Variants in CSMD3 observed in about 807,000 individuals in gnomAD.
CSMD3 encodes CUB and Sushi multiple domains 3, also known as CUB and sushi domain-containing protein 3.
A neutral mutation model predicts 435.2 loss-of-function variants in CSMD3; 177 were observed. The observed-to-expected ratio is 0.41, with a 90% CI of 0.36 to 0.46. CSMD3 has a LOEUF of 0.46. CSMD3 is among the 20% of genes least tolerant of loss of function. The pLI, the probability that CSMD3 is intolerant of heterozygous loss-of-function variation, is 0.34. For synonymous variants in CSMD3, 1,656 were observed against 1,520.5 expected, an observed-to-expected ratio of 1.09 and a Z score of -2.07; for missense variants, 4,265 against 4,504.6, an observed-to-expected ratio of 0.95 and a Z score of 1.52.
chr8:112,495,687 T>C (rs938479313), intron 30 of CSMD3, among the ~76,000 whole-genome samples: 1 of 152,130 alleles, frequency 6.6e-6, no homozygotes, highest in African/African-American at 2.4e-5. Context: ...AAAGTGATTT[T>C]AGTTTCTGAA....
chr8:112,320,116 C>T, intron 45 of CSMD3, 135 bp from the exon 46 acceptor site: 2 of 647,458 alleles, frequency 3.1e-6, no homozygotes, highest in Middle Eastern at 3.4e-4. Flanking sequence ...GTGTCAATTA[C>T]ATCTTTATTT....
At chr8:112,419,657 T>C (rs1314074100) in intron 32 of CSMD3, among the ~76,000 whole-genome samples, 1 of 152,204 alleles carries the variant, frequency 6.6e-6, no homozygotes, top group African/African-American at 2.4e-5. Flanking sequence ...TCTGTCTGTA[T>C]TGTGACCATT....
chr8:112,954,049 T>C (rs1377005580), intron 8 of CSMD3, among the ~76,000 whole-genome samples: 2 of 151,524 alleles, frequency 1.3e-5, no homozygotes, highest in Non-Finnish European at 3.0e-5. Context: ...GTTATGGTAA[T>C]TTAAATGAAT....
rs2131632864 is a variant in CSMD3 at position 112,650,282 on chromosome 8, A to T, written c.3072T>A (p.His1024Gln). ...AAACAGTAGAGCCAATGGAGAAATC[A>T]TGACCATAGCGACGGCCATGTACAG... ...GIPVHGRRYGHDFSIGSTVSF... is the reference protein window; with the variant it reads ...GIPVHGRRYGQDFSIGSTVSF... Residue 1024 changes from histidine (H) to glutamine (Q), a missense_variant, in exon 19 of 71, where the codon CAT (histidine) becomes CAA (glutamine). Physicochemically the swap from His to Gln is conservative, Grantham distance 24 (BLOSUM62 0). Coordinates refer to ENST00000297405, the MANE Select transcript of CSMD3 (RefSeq NM_198123.2). 1.2e-6 allele frequency: 2 copies of T among 1,613,982 alleles called. No individual in the cohort carries two copies. The highest frequency in any genetic ancestry group is 1.7e-6 in the Non-Finnish European group (2 of 1,179,886).
intron 1 of CSMD3, among the ~76,000 whole-genome samples, chr8:113,353,358 G>C (rs1476529155): frequency 2.0e-5 from 3 of 152,112 alleles, no homozygotes; most frequent in South Asian, 2.1e-4. Context: ...AGGCTGTAGA[G>C]AGAATGGTAG....
intron 70 of CSMD3, among the ~76,000 whole-genome samples, chr8:112,228,414 C>G (rs1448583077): frequency 2.6e-5 from 4 of 152,160 alleles, no homozygotes; most frequent in African/African-American, 9.7e-5. Flanking sequence ...GATATTACCT[C>G]TCCAATTTAA....
At chr8:112,284,927 T>C (rs1337485139) in intron 58 of CSMD3, among the ~76,000 whole-genome samples, 5 of 151,996 alleles carry the variant, frequency 3.3e-5, no homozygotes, top group Non-Finnish European at 5.9e-5. Context: ...GTGTTTAAAA[T>C]AGGTGAAAAT....
In CSMD3 at chr8:112,978,860, T is replaced by C. The variant is rs181043553; in HGVS notation, c.1031-2712A>G. ...TCCTAGAACATTGCCTAGCACATAG[T>C]AGATGCTCCAGGAACATTCATCAGA... On this transcript the variant is annotated intron_variant, in intron 6 of 70. Transcript: ENST00000297405. Among the ~76,000 whole-genome samples the C allele has an allele frequency of 1.3e-4, 19 of 151,990 alleles. No individual in the cohort carries two copies. The East Asian group carries it at 2.9e-3, about 23-fold the overall frequency.
chr8:113,272,566 T>A (rs1030079192), intron 3 of CSMD3, among the ~76,000 whole-genome samples: 1 of 152,186 alleles, frequency 6.6e-6, no homozygotes, highest in African/African-American at 2.4e-5. Context: ...CAGCACCATG[T>A]AAGAAATGTG....
At chr8:112,853,670 A>G (rs2080562229) in intron 11 of CSMD3, among the ~76,000 whole-genome samples, 1 of 152,218 alleles carries the variant, frequency 6.6e-6, no homozygotes, top group African/African-American at 2.4e-5. Flanking sequence ...TCTGGATTTT[A>G]TATCCCACTT....
At chr8:113,103,486 G>A (rs2090387931) in intron 4 of CSMD3, among the ~76,000 whole-genome samples, 3 of 152,028 alleles carry the variant, frequency 2.0e-5, no homozygotes, top group African/African-American at 7.2e-5. Context: ...CAGCTAATGG[G>A]ATCAATAAAG....
chr8:112,335,356 T>A lies in CSMD3; in HGVS notation c.7138A>T (p.Ser2380Cys), dbSNP rs1824457600. ...LIKFHSDFTT[S>C]GFFVLSYHAY... is the part of the protein sequence containing the mutation. ...TGATAACTGAGCACAAAAAAGCCAC[T>A]TGTTGTGAAATCACTGTGGAATTTG... The change falls in exon 45 of 71, where the codon AGT becomes TGT. Residue 2380 changes from serine (S) to cysteine (C), a missense_variant. Ser to Cys is a moderately radical substitution (Grantham distance 112, BLOSUM62 -1). Around this residue, in one of 3 missense-constraint regions of CSMD3, gnomAD observed 3,255 missense variants for 3,380.2 expected, o/e 0.96. Coordinates refer to ENST00000297405, the MANE Select transcript of CSMD3 (RefSeq NM_198123.2). The A allele has an allele frequency of 6.2e-7, 1 of 1,613,950 alleles. No individual in the cohort carries two copies. The highest frequency in any genetic ancestry group is 8.5e-7 in the Non-Finnish European group (1 of 1,179,892).
chr8:112,255,387 T>C lies in CSMD3; in HGVS notation c.9903A>G (p.Lys3301=). The change falls in exon 62 of 71, where the codon AAA becomes AAG. Residue 3301 remains lysine, a synonymous_variant. Coordinates refer to ENST00000297405, the MANE Select transcript of CSMD3 (RefSeq NM_198123.2). ...GGTATATAAAGCTTTTGCCTTCTCT[T>C]TTTCCTTGGGCAGGTATACCAGGGT... is the stretch of plus-strand genomic sequence containing the variant. The part of the protein sequence containing the change: ...CGDPGIPAQG[K]REGKSFIYQS... The C allele has an allele frequency of 6.2e-7, 1 of 1,613,718 alleles. No homozygotes were observed. Among genetic ancestry groups the C allele is most frequent in the Middle Eastern group, 1.7e-4 (1 of 6,060 alleles).
chr8:112,233,528 C>T (rs1265237293), intron 68 of CSMD3, among the ~76,000 whole-genome samples: 1 of 152,104 alleles, frequency 6.6e-6, no homozygotes, highest in Non-Finnish European at 1.5e-5. Flanking sequence ...AGGATAAACA[C>T]TTTTTTTCCT....
At chr8:113,416,008 A>T (rs565364429) in intron 1 of CSMD3, among the ~76,000 whole-genome samples, 19 of 152,190 alleles carry the variant, frequency 1.2e-4, no homozygotes, top group African/African-American at 3.4e-4. Context: ...TGTTCCTATC[A>T]CATTTCACAG....
At chr8:113,255,264 C>A (rs1178256526) in intron 3 of CSMD3, among the ~76,000 whole-genome samples, 1 of 152,048 alleles carries the variant, frequency 6.6e-6, no homozygotes, top group Non-Finnish European at 1.5e-5. Context: ...GATGCCAGCT[C>A]TGTTACTTAC....
chr8:113,122,103 A>G (rs1019891656), intron 4 of CSMD3, among the ~76,000 whole-genome samples: 8 of 152,162 alleles, frequency 5.3e-5, no homozygotes, highest in African/African-American at 1.9e-4. Context: ...TCTTCTTGAG[A>G]CAATACCTTC....
intron 32 of CSMD3, among the ~76,000 whole-genome samples, chr8:112,452,238 T>C (rs890028662): frequency 5.3e-5 from 8 of 152,220 alleles, no homozygotes; most frequent in East Asian, 1.9e-4. Flanking sequence ...TTTCGAAACA[T>C]ATTTTATTCA....
intron 6 of CSMD3, among the ~76,000 whole-genome samples, chr8:113,000,812 C>G (rs2085834412): frequency 6.6e-6 from 1 of 152,098 alleles, no homozygotes. Context: ...TAGAACTTCT[C>G]ATAAACTTCA....
Sources: allele counts gnomAD v4.1 joint callset (sites outside exome capture counted in the v4.1 genomes callset), GRCh38; gene constraint gnomAD v4.1.1; regional missense constraint gnomAD v4.1.1; transcripts MANE v1.5; gene names NCBI Gene and HGNC (gene_info 2026-07-23, HGNC 2026-07-21).